SORCS1: variants seen among roughly 807,000 people sequenced by gnomAD.
The protein encoded by SORCS1 is VPS10 domain-containing receptor SorCS1.
A neutral mutation model predicts 146.1 loss-of-function variants in SORCS1; 60 were observed. The ratio of observed to expected loss-of-function variants is 0.41; its 90% CI spans 0.33 to 0.51. The LOEUF is 0.51. Ranked by LOEUF, SORCS1 falls within the 20% of genes least tolerant of loss-of-function variation. The pLI, the probability that SORCS1 is intolerant of heterozygous loss-of-function variation, is 0.21. For missense variants in SORCS1, 1,352 were observed against 1,487.6 expected, an observed-to-expected ratio of 0.91 and a Z score of 1.50; for synonymous variants, 637 against 584.0, an observed-to-expected ratio of 1.09 and a Z score of -1.31.
At chr10:106,603,478 C>G (rs1846376832) in intron 23 of SORCS1, among the ~76,000 whole-genome samples, 1 of 152,176 alleles carries the variant, frequency 6.6e-6, no homozygotes, top group Non-Finnish European at 1.5e-5. Context: ...ATAGCTCGAT[C>G]CAAGCCAGCA....
chr10:106,695,257 A>G (rs1404775808), intron 9 of SORCS1, among the ~76,000 whole-genome samples: 1 of 152,232 alleles, frequency 6.6e-6, no homozygotes, highest in African/African-American at 2.4e-5. Flanking sequence ...AAGGTGCTGC[A>G]TAGATAGGTC....
intron 4 of SORCS1, among the ~76,000 whole-genome samples, chr10:106,769,024 C>T (rs755849585): frequency 5.3e-5 from 8 of 152,162 alleles, no homozygotes; most frequent in East Asian, 1.9e-4. Flanking sequence ...ATCCTCTTAC[C>T]AGCTCACTCT....
intron 2 of SORCS1, among the ~76,000 whole-genome samples, chr10:106,890,273 A>G (rs1951178372): frequency 6.6e-6 from 1 of 151,844 alleles, no homozygotes; most frequent in South Asian, 2.1e-4. Flanking sequence ...CCCTCTCCCC[A>G]CTCACCATTT....
At chr10:107,173,561 C>A in the SORCS1 span, among the ~76,000 whole-genome samples, 3 of 152,230 alleles carry the variant, frequency 2.0e-5, no homozygotes, top group Non-Finnish European at 4.4e-5. Context: ...TGATGTAATT[C>A]AATTTATCAA....
chr10:106,581,015 G>A (rs34525466), intron 24 of SORCS1, among the ~76,000 whole-genome samples: 7,978 of 152,182 alleles, frequency 0.052, 319 homozygotes, highest in Non-Finnish European at 0.076. Context: ...TCCCACTGCC[G>A]TGGAACGCCC....
intron 6 of SORCS1, among the ~76,000 whole-genome samples, chr10:106,720,684 C>G (rs575743113): frequency 6.6e-6 from 1 of 151,634 alleles, no homozygotes; most frequent in Non-Finnish European, 1.5e-5. Flanking sequence ...CTGAGGGATA[C>G]CAAGGACCCA....
chr10:107,117,367 G>A (rs1966105716), intron 1 of SORCS1, among the ~76,000 whole-genome samples: 1 of 152,148 alleles, frequency 6.6e-6, no homozygotes, highest in African/African-American at 2.4e-5. Flanking sequence ...ACCCCGGAAG[G>A]CCATTCAGAG....
intron 1 of SORCS1, among the ~76,000 whole-genome samples, chr10:106,969,663 T>C (rs779111792): frequency 6.6e-6 from 1 of 152,174 alleles, no homozygotes; most frequent in Non-Finnish European, 1.5e-5. Flanking sequence ...CACAAGAAAT[T>C]AATAGTGCCT....
Position 106,575,564 on chromosome 10 carries a change from C to G in SORCS1, c.*1856G>C, listed in dbSNP as rs991129704. 1 of 152,354 alleles carries G rather than the reference C, an allele frequency of 6.6e-6. No individual in the cohort carries two copies. Among genetic ancestry groups the G allele is most frequent in the South Asian group, 2.1e-4 (1 of 4,832 alleles). The allele number at this position is 152,354 out of a possible 1,614,324, so 9.4% of individuals were successfully genotyped here. Reference sequence around the variant, plus strand: ...AACAGGCTTTTGTTTCCCTCTTTCTCTGAGCCTTCTTTCATGATTACCCTG... The same window carrying G: ...AACAGGCTTTTGTTTCCCTCTTTCTGTGAGCCTTCTTTCATGATTACCCTG... On this transcript the variant is annotated 3_prime_UTR_variant, in exon 26 of 26. Coordinates refer to ENST00000263054, the MANE Select transcript of SORCS1 (RefSeq NM_052918.5).
chr10:106,594,480 G>T (rs1324250617), intron 24 of SORCS1, among the ~76,000 whole-genome samples: 1 of 152,052 alleles, frequency 6.6e-6, no homozygotes, highest in Non-Finnish European at 1.5e-5. Context: ...AAAATGATCT[G>T]AACCATCATT....
chr10:106,988,843 A>G (rs1589861542), intron 1 of SORCS1, among the ~76,000 whole-genome samples: 1 of 152,176 alleles, frequency 6.6e-6, no homozygotes, highest in Admixed American at 6.5e-5. Context: ...CCATCACTTA[A>G]AACTATAGTA....
chr10:106,981,989 T>C (rs917678571), intron 1 of SORCS1, among the ~76,000 whole-genome samples: 1 of 152,196 alleles, frequency 6.6e-6, no homozygotes, highest in Non-Finnish European at 1.5e-5. Context: ...ATATTGACTT[T>C]CATTGTTTTT....
chr10:106,593,056 G>A (rs913284837), intron 24 of SORCS1, among the ~76,000 whole-genome samples: 1 of 151,358 alleles, frequency 6.6e-6, no homozygotes, highest in African/African-American at 2.4e-5. Context: ...TTGAGCCCAG[G>A]GGGCAGAGGT....
chr10:106,962,217 T>C (rs1028745564), intron 1 of SORCS1, among the ~76,000 whole-genome samples: 1 of 151,954 alleles, frequency 6.6e-6, no homozygotes, highest in African/African-American at 2.4e-5. Flanking sequence ...CTGACCAACA[T>C]GGAGAAACCC....
chr10:106,609,559 G>T (rs1292416026), intron 22 of SORCS1, among the ~76,000 whole-genome samples: 2 of 152,164 alleles, frequency 1.3e-5, no homozygotes, highest in Non-Finnish European at 2.9e-5. Context: ...AGTGCAAATT[G>T]CTAGGAACCA....
intron 3 of SORCS1, among the ~76,000 whole-genome samples, chr10:106,812,121 C>T (rs1044211041): frequency 6.6e-6 from 1 of 152,126 alleles, no homozygotes; most frequent in Admixed American, 6.5e-5. Flanking sequence ...CTGCCTCAGC[C>T]TCCCGAGTAG....
intron 1 of SORCS1, among the ~76,000 whole-genome samples, chr10:107,098,903 A>G (rs1027587966): frequency 6.6e-6 from 1 of 152,216 alleles, no homozygotes; most frequent in Non-Finnish European, 1.5e-5. Context: ...TAAATGGCAG[A>G]CATAGGACCA....
At chr10:106,811,258 AG>A (rs1947444952) in intron 3 of SORCS1, among the ~76,000 whole-genome samples, 1 of 152,176 alleles carries the variant, frequency 6.6e-6, no homozygotes, top group Admixed American at 6.5e-5. Context: ...TCCACTGTCC[AG>A]TAGAGGACTG....
chr10:107,125,102 A>G (rs536766380), intron 1 of SORCS1, among the ~76,000 whole-genome samples: 96 of 151,360 alleles, frequency 6.3e-4, no homozygotes, highest in African/African-American at 2.2e-3. Flanking sequence ...ACAGGCATGC[A>G]CCAACACGCC....
Sources: allele counts gnomAD v4.1 joint callset (sites outside exome capture counted in the v4.1 genomes callset), GRCh38; gene constraint gnomAD v4.1.1; transcripts MANE v1.5; gene names NCBI Gene and HGNC (gene_info 2026-07-23, HGNC 2026-07-21).